The following ELL2 variants were observed in gnomAD, a reference collection of about 807,000 sequenced individuals.
ELL2 encodes elongation factor for RNA polymerase II 2.
ELL2 carries 21 observed loss-of-function variants against 72.8 expected under a neutral mutation model. The observed-to-expected ratio is 0.29, with a 90% CI of 0.20 to 0.42. The LOEUF (loss-of-function observed/expected upper bound fraction) is 0.42. Among genes scored for constraint, ELL2 ranks in the 10% least tolerant of loss-of-function variants. ELL2 has a pLI of 1.00. For synonymous variants in ELL2, 266 were observed against 283.2 expected (o/e 0.94, Z 0.61); for missense variants, 568 against 772.8 (o/e 0.73, Z 3.14).
In ELL2 at chr5:95,885,503, C is replaced by G. The variant is rs1177625646; in HGVS notation, c.*3368G>C. The G allele has an allele frequency of 6.6e-6, 1 of 152,224 alleles. No individual in the cohort carries two copies. The highest frequency in any genetic ancestry group is 1.5e-5 in the Non-Finnish European group (1 of 68,046). The allele number at this position is 152,224 out of a possible 1,614,324, so 9.4% of individuals were successfully genotyped here. A position where few individuals can be genotyped will look rare whatever the true frequency, so the allele number is the denominator to read the frequency against. On this transcript the variant is annotated 3_prime_UTR_variant, in exon 12 of 12. Coordinates refer to ENST00000237853, the MANE Select transcript of ELL2 (RefSeq NM_012081.6). ...AAAAGTAGTAAAGGCATATACCAAG[C>G]ATACGTGACTCCACACATTGTCAGA... is the stretch of plus-strand genomic sequence containing the variant.
At chr5:95,954,527 C>CTCCTGAG (rs1751547757) in intron 1 of ELL2, among the ~76,000 whole-genome samples, 1 of 150,354 alleles carries the variant, frequency 6.7e-6, no homozygotes, top group African/African-American at 2.4e-5. Context: ...CTGCCTCAGC[C>CTCCTGAG]TCCTGAGTAG....
rs1413674027 is a variant in ELL2 at position 95,888,550 on chromosome 5, AAAATCATTTCTAAT to A, written c.*307_*320del. Reference sequence around the variant, plus strand: ...TGGACACTGGATCCCCAATATCTAAAAAATCATTTCTAATAACAAACACAAGTTTTTGAGGAAAA... The same window carrying A: ...TGGACACTGGATCCCCAATATCTAAAAACAAACACAAGTTTTTGAGGAAAA... On this transcript the variant is annotated 3_prime_UTR_variant, in exon 12 of 12. Transcript: ENST00000237853. The A allele has an allele frequency of 5.5e-6, 1 of 180,596 alleles. No homozygotes were observed. Among genetic ancestry groups the A allele is most frequent in the Non-Finnish European group, 1.1e-5 (1 of 87,876 alleles). The allele number at this position is 180,596 out of a possible 1,614,324, so 11.2% of individuals were successfully genotyped here.
At chr5:95,914,782 T>C (rs1749723283) in intron 3 of ELL2, among the ~76,000 whole-genome samples, 1 of 151,978 alleles carries the variant, frequency 6.6e-6, no homozygotes, top group Non-Finnish European at 1.5e-5. Context: ...GATGTGAAGG[T>C]TGCAGTAAGC....
chr5:95,895,203 A>G (rs1157242054), intron 9 of ELL2, among the ~76,000 whole-genome samples: 2 of 152,274 alleles, frequency 1.3e-5, no homozygotes, highest in Admixed American at 6.5e-5. Context: ...TTAAATAAAA[A>G]TCAATCTATC....
chr5:95,931,866 A>G (rs1750613995), intron 2 of ELL2, among the ~76,000 whole-genome samples: 1 of 150,526 alleles, frequency 6.6e-6, no homozygotes, highest in African/African-American at 2.4e-5. Context: ...GCTACAGCAC[A>G]ACAAAGAAAC....
At chr5:95,912,568 A>G (rs1372353500) in intron 4 of ELL2, among the ~76,000 whole-genome samples, 1 of 152,186 alleles carries the variant, frequency 6.6e-6, no homozygotes, top group East Asian at 1.9e-4. Context: ...ACTTCTGGGG[A>G]TAAAGGAGAA....
At chr5:95,900,902 T>C (rs1195847795) in intron 6 of ELL2, 54 bp downstream of exon 6, 3 of 1,570,336 alleles carry the variant, frequency 1.9e-6, no homozygotes, top group African/African-American at 1.4e-5. Flanking sequence ...TAATGACTTA[T>C]TTCCATAATT....
At chr5:95,946,409 T>A (rs1204866842) in intron 1 of ELL2, among the ~76,000 whole-genome samples, 1 of 152,002 alleles carries the variant, frequency 6.6e-6, no homozygotes, top group African/African-American at 2.4e-5. Context: ...TGCCCCAAAC[T>A]CCCTCAAATT....
chr5:95,939,333 G>A (rs767165438), intron 2 of ELL2, among the ~76,000 whole-genome samples: 8 of 149,364 alleles, frequency 5.4e-5, no homozygotes, highest in Non-Finnish European at 8.9e-5. Flanking sequence ...AAGACTGTGC[G>A]TTCTCTGAGG....
chr5:95,930,615 G>A (rs564341816), intron 2 of ELL2, among the ~76,000 whole-genome samples: 2 of 152,184 alleles, frequency 1.3e-5, no homozygotes, highest in East Asian at 1.9e-4. Flanking sequence ...TAAAGTTACC[G>A]AATGCTTTTT....
chr5:95,953,844 TAG>T, intron 1 of ELL2, among the ~76,000 whole-genome samples: 1 of 152,332 alleles, frequency 6.6e-6, no homozygotes, highest in African/African-American at 2.4e-5. Flanking sequence ...GAACGTTATA[TAG>T]AGTTACTTAC....
At chr5:95,925,171 C>T (rs1561503044) in intron 2 of ELL2, among the ~76,000 whole-genome samples, 1 of 152,208 alleles carries the variant, frequency 6.6e-6, no homozygotes, top group South Asian at 2.1e-4. Context: ...TTCAAACTTA[C>T]AGAATTCTTG....
intron 8 of ELL2, 114 bp downstream of exon 8, chr5:95,898,126 A>C: frequency 1.1e-6 from 1 of 950,088 alleles, no homozygotes; most frequent in Non-Finnish European, 1.5e-6. Flanking sequence ...AAAGCACAAC[A>C]CTAAGATTAA....
chr5:95,890,835 T>C (rs1017000061), intron 10 of ELL2: 9 of 446,544 alleles, frequency 2.0e-5, no homozygotes, highest in South Asian at 1.7e-4. Flanking sequence ...TCCAACTTTT[T>C]TTCCTATTTA....
At chr5:95,908,518 C>A (rs1749461382) in intron 4 of ELL2, among the ~76,000 whole-genome samples, 1 of 152,180 alleles carries the variant, frequency 6.6e-6, no homozygotes, top group Non-Finnish European at 1.5e-5. Flanking sequence ...TGTCCACTAG[C>A]ATGCCTTAAA....
chr5:95,915,178 CTGCAAGCTCT>C, intron 3 of ELL2, among the ~76,000 whole-genome samples: 1 of 152,204 alleles, frequency 6.6e-6, no homozygotes, highest in Non-Finnish European at 1.5e-5. Flanking sequence ...TCTTGGCTCA[CTGCAAGCTCT>C]GCCTCCCGGG....
intron 1 of ELL2, among the ~76,000 whole-genome samples, chr5:95,943,328 T>C (rs1040052196): frequency 9.9e-5 from 15 of 151,610 alleles, no homozygotes; most frequent in African/African-American, 3.6e-4. Context: ...TGTGTGAAAA[T>C]CTCTTTTCAT....
rs1748473111 is a variant in ELL2, at chr5:95,886,615, T to C, written c.*2256A>G. 6.7e-6 allele frequency: 1 copy of C among 149,338 alleles called. No individual in the cohort carries two copies. The highest frequency in any genetic ancestry group is 2.1e-4 in the South Asian group (1 of 4,770). The allele number at this position is 149,338 out of a possible 1,614,324, so 9.3% of individuals were successfully genotyped here. ...ACAACTGAGGAGGTGCCTCAGATCA[T>C]GCAAAGGGGAAAAGTGATTTGCACC... On this transcript the variant is annotated 3_prime_UTR_variant, in exon 12 of 12. Transcript: ENST00000237853.
At chr5:95,930,384 G>A (rs1750553116) in intron 2 of ELL2, among the ~76,000 whole-genome samples, 1 of 152,084 alleles carries the variant, frequency 6.6e-6, no homozygotes, top group South Asian at 2.1e-4. Flanking sequence ...TTTGACACCT[G>A]CAAGTCCTCA....
Sources: gnomAD v4.1 joint callset for allele counts (sites outside exome capture counted in the v4.1 genomes callset) on GRCh38, gnomAD v4.1.1 for gene constraint, MANE v1.5 for transcripts, NCBI Gene and HGNC (gene_info 2026-07-23, HGNC 2026-07-21) for gene names.